The following ASB16 variants were observed in gnomAD, a reference collection of about 807,000 sequenced individuals.
The protein encoded by ASB16 is ankyrin repeat and SOCS box containing 16.
ASB16 carries 44 observed loss-of-function variants against 39.1 expected under a neutral mutation model. That is an observed-to-expected ratio of 1.13 (90% CI 0.88 to 1.45). The LOEUF (loss-of-function observed/expected upper bound fraction) is 1.45. Among genes scored for constraint, ASB16 ranks in the 40% most tolerant of loss-of-function variants. ASB16 has a pLI of 0.00. For synonymous variants in ASB16, 305 were observed against 286.7 expected (o/e 1.06, Z -0.64); for missense variants, 698 against 634.5 (o/e 1.10, Z -1.07).
At chr17:44,173,160 G>T (rs1413535891) in intron 2 of ASB16, among the ~76,000 whole-genome samples, 1 of 149,864 alleles carries the variant, frequency 6.7e-6, no homozygotes, top group East Asian at 2.0e-4. Context: ...AGGCTGAGGC[G>T]GGTGGATCAC....
Position 44,178,294 on chromosome 17 carries a change from G to A in ASB16, c.1266G>A (p.Arg422=). 6.2e-7 allele frequency: 1 copy of A among 1,612,874 alleles called. No individual in the cohort carries two copies. The highest frequency in any genetic ancestry group is 8.5e-7 in the Non-Finnish European group (1 of 1,179,806). Residue 422 remains arginine (R), a synonymous_variant, in exon 5 of 5, where the codon CGG becomes CGA. Coordinates refer to ENST00000293414, the MANE Select transcript of ASB16 (RefSeq NM_080863.5). ...QHLARLAVRA[R]LGSRCRQGAT... is the part of the protein sequence containing the mutation. The stretch of plus-strand genomic sequence containing the variant: ...TGGCCCGACTAGCTGTGCGCGCTCG[G>A]TTGGGAAGCCGCTGCCGGCAGGGTG...
chr17:44,177,918 C>G (rs1022201053), intron 4 of ASB16, 196 bp downstream of exon 4: 1 of 735,026 alleles, frequency 1.4e-6, no homozygotes, highest in African/African-American at 1.8e-5. Flanking sequence ...CTCCTGCCTC[C>G]CTCACTTGCA....
At chr17:44,172,392 C>G in intron 2 of ASB16, 79 bp downstream of exon 2, 1 of 1,519,758 alleles carries the variant, frequency 6.6e-7, no homozygotes, top group South Asian at 1.2e-5. Context: ...AAGAGGGAAC[C>G]TGACAACCAC....
intron 1 of ASB16, 50 bp from the exon 2 acceptor site, chr17:44,171,996 G>T: frequency 6.4e-7 from 1 of 1,566,190 alleles, no homozygotes. Context: ...CCCACTCCCT[G>T]CCCTGCCCTG....
rs905098190 is a variant in ASB16, at chr17:44,170,736, C to T, written c.-54C>T. The T allele has an allele frequency of 2.0e-6, 3 of 1,521,632 alleles. No individual in the cohort carries two copies. Among genetic ancestry groups the T allele is most frequent in the Admixed American group, 2.1e-5 (1 of 47,670 alleles). 94.3% of individuals were successfully genotyped at this position (1,521,632 alleles called of 1,614,324 possible). On this transcript the variant is annotated 5_prime_UTR_variant, in exon 1 of 5. Coordinates refer to ENST00000293414, the MANE Select transcript of ASB16 (RefSeq NM_080863.5). Reference sequence around the variant, plus strand: ...CTCAGAGCAAGGGAGGTAGTCGGGTCGAGGGAACCTGGCTCTGCCCAGGTG... The same window carrying T: ...CTCAGAGCAAGGGAGGTAGTCGGGTTGAGGGAACCTGGCTCTGCCCAGGTG...
chr17:44,177,858 G>A (rs2054322817), intron 4 of ASB16, 136 bp downstream of exon 4: 1 of 1,296,076 alleles, frequency 7.7e-7, no homozygotes, highest in Admixed American at 2.8e-5. Flanking sequence ...CTGGGTTTCA[G>A]GGTACCCCCT....
At position 44,177,207 on chromosome 17, in the gene ASB16, G is replaced by A. The variant is rs926461926; in HGVS notation, c.1039G>A (p.Gly347Arg). 3.2e-6 allele frequency: 5 copies of A among 1,541,880 alleles called. No homozygotes were observed. The highest frequency in any genetic ancestry group is 4.1e-5 in the Admixed American group (2 of 49,294). Residue 347 changes from glycine (G) to arginine (R), a missense_variant, in exon 3 of 5, where the codon GGG becomes AGG. Gly to Arg is a moderately radical substitution (Grantham distance 125). Transcript: ENST00000293414. ...EVLFAALLDYGAQPVRPEMLK... is the reference protein window; with the variant it reads ...EVLFAALLDYRAQPVRPEMLK... Reference sequence around the variant, plus strand: ...CCTTTTCGCCGCACTGCTGGACTACGGGGCGCAGCCAGTGCGCCCTGAGGT... The same window carrying A: ...CCTTTTCGCCGCACTGCTGGACTACAGGGCGCAGCCAGTGCGCCCTGAGGT...
Position 44,172,240 on chromosome 17 carries a change from G to C in ASB16, c.496G>C (p.Gly166Arg). ...FDCVRLLLTF[G>R]AKANVLTEEG... ...CTGTGTGCGGCTGCTGCTGACCTTC[G>C]GAGCCAAGGCTAATGTGCTGACTGA... Residue 166 changes from glycine to arginine, a missense_variant, in exon 2 of 5, where the codon GGA (glycine) becomes CGA (arginine). Gly to Arg is a moderately radical substitution (Grantham distance 125). Transcript: ENST00000293414. 3.1e-6 allele frequency: 5 copies of C among 1,613,844 alleles called. No homozygotes were observed. The highest frequency in any genetic ancestry group is 4.2e-6 in the Non-Finnish European group (5 of 1,180,042).
rs1234743136 is a variant in ASB16, at chr17:44,176,767, C to G, written c.599C>G (p.Ala200Gly). The change falls in exon 3 of 5, where the codon GCG becomes GGG. Residue 200 changes from alanine to glycine, a missense_variant. Ala to Gly is a moderately conservative substitution (Grantham distance 60, BLOSUM62 0). Coordinates refer to ENST00000293414, the MANE Select transcript of ASB16 (RefSeq NM_080863.5). ...QCAKLLLEAGATVNLAAGESQ... is the reference protein window; with the variant it reads ...QCAKLLLEAGGTVNLAAGESQ... ...GCCAAGTTGCTGCTGGAAGCAGGAG[C>G]GACGGTGAACCTGGCAGCAGGCGAG... 1 of 1,613,824 alleles carries G rather than the reference C, an allele frequency of 6.2e-7. No individual in the cohort carries two copies. Among genetic ancestry groups the G allele is most frequent in the Non-Finnish European group, 8.5e-7 (1 of 1,179,928 alleles).
chr17:44,173,654 CCT>C (rs1022938918), intron 2 of ASB16, among the ~76,000 whole-genome samples: 1 of 151,852 alleles, frequency 6.6e-6, no homozygotes, highest in Non-Finnish European at 1.5e-5. Context: ...ATAGTGAGAC[CCT>C]GTCTCTACAA....
At chr17:44,171,707 G>T (rs907645062) in intron 1 of ASB16, among the ~76,000 whole-genome samples, 1 of 152,006 alleles carries the variant, frequency 6.6e-6, no homozygotes, top group Non-Finnish European at 1.5e-5. Flanking sequence ...AGGTGAACAA[G>T]CCTTTGACAC....
At position 44,176,962 on chromosome 17, in the gene ASB16, C is replaced by A. The variant is rs1444649085; in HGVS notation, c.794C>A (p.Ala265Asp). 8.7e-6 allele frequency: 13 copies of A among 1,488,856 alleles called. No individual in the cohort carries two copies. The highest frequency in any genetic ancestry group is 1.5e-5 in the African/African-American group (1 of 68,326). 92.2% of individuals were successfully genotyped at this position (1,488,856 alleles called of 1,614,324 possible). Residue 265 changes from alanine (A) to aspartate (D), a missense_variant, in exon 3 of 5, where the codon GCT becomes GAT. Coordinates refer to ENST00000293414, the MANE Select transcript of ASB16 (RefSeq NM_080863.5). ...CCAGGTAGCTGCAGGCGACACCAGG[C>A]TGCGGCGCGCCGGCTCCTGGAGGCT... ...EGPGSCRRHQAAARRLLEAGA... is the reference protein window; with the variant it reads ...EGPGSCRRHQDAARRLLEAGA...
intron 2 of ASB16, among the ~76,000 whole-genome samples, chr17:44,173,670 A>G (rs868656791): frequency 1.3e-5 from 2 of 152,246 alleles, no homozygotes; most frequent in African/African-American, 2.4e-5. Context: ...TCTACAAAAA[A>G]TAAAATTAGC....
chr17:44,177,011 G>A lies in ASB16; in HGVS notation c.843G>A (p.Gly281=), dbSNP rs1308899061. 6.7e-7 allele frequency: 1 copy of A among 1,489,710 alleles called. No individual in the cohort carries two copies. The highest frequency in any genetic ancestry group is 1.3e-5 in the South Asian group (1 of 78,682). The allele number at this position is 1,489,710 out of a possible 1,614,324, so 92.3% of individuals were successfully genotyped here. The change falls in exon 3 of 5, where the codon GGG becomes GGA. Residue 281 remains glycine (G), a synonymous_variant. Transcript: ENST00000293414. ...CTGGAGCTGATGCCCGGGCGGCCGG[G>A]CGCAAGCGCCACACGCCGCTGCACA... is the stretch of plus-strand genomic sequence containing the variant. ...LEAGADARAA[G]RKRHTPLHNA... is the part of the protein sequence containing the mutation.
intron 2 of ASB16, among the ~76,000 whole-genome samples, chr17:44,175,174 TGGATCACGAGGTCA>T (rs2054277333): frequency 6.9e-6 from 1 of 144,196 alleles, no homozygotes; most frequent in Non-Finnish European, 1.5e-5. Flanking sequence ...CCGAGGTGGG[TGGATCACGAGGTCA>T]GGAGATCGAG....
intron 4 of ASB16, 163 bp from the exon 5 acceptor site, chr17:44,178,042 C>T: frequency 1.3e-6 from 1 of 755,360 alleles, no homozygotes; most frequent in Non-Finnish European, 2.1e-6. Flanking sequence ...GAGCCCCAGC[C>T]CGCATTATCA....
In ASB16 at chr17:44,170,847, C is replaced by T. The variant is rs749221208; in HGVS notation, c.58C>T (p.Gln20Ter). 1.2e-6 allele frequency: 2 copies of T among 1,611,808 alleles called. No homozygotes were observed. Reference protein sequence around the residue: ...SSMLRSLRLQQEWLEWEDRRR... With the variant: ...SSMLRSLRLQ ...CATGCTGCGCTCTCTCCGCCTGCAG[C>T]AGGAGTGGCTGGAATGGGAGGACCG... The change falls in exon 1 of 5, where the codon CAG becomes TAG. Residue 20 changes from glutamine (Q) to a stop codon, truncating the protein, a stop_gained. Coordinates refer to ENST00000293414, the MANE Select transcript of ASB16 (RefSeq NM_080863.5). LOFTEE classifies it high-confidence loss of function.
rs1203501527 is a variant in ASB16 at position 44,178,565 on chromosome 17, T to A, written c.*175T>A. 4.4e-6 allele frequency: 3 copies of A among 684,412 alleles called. No individual in the cohort carries two copies. The African/African-American group carries it at 5.4e-5, about 12-fold the overall frequency. The allele number at this position is 684,412 out of a possible 1,614,324, so 42.4% of individuals were successfully genotyped here. A position where few individuals can be genotyped will look rare whatever the true frequency, so the allele number is the denominator to read the frequency against. Reference sequence around the variant, plus strand: ...TCGGCTCACTGCAACTTCTACCACCTAGGTTCAAGCGATTCTTGTGCCCCA... The same window carrying A: ...TCGGCTCACTGCAACTTCTACCACCAAGGTTCAAGCGATTCTTGTGCCCCA... On this transcript the variant is annotated 3_prime_UTR_variant, in exon 5 of 5. Coordinates refer to ENST00000293414, the MANE Select transcript of ASB16 (RefSeq NM_080863.5).
At position 44,177,173 on chromosome 17, in the gene ASB16, G is replaced by T; in HGVS notation, c.1005G>T (p.Glu335Asp). 1 of 1,533,894 alleles carries T rather than the reference G, an allele frequency of 6.5e-7. No homozygotes were observed. Among genetic ancestry groups the T allele is most frequent in the South Asian group, 1.2e-5 (1 of 82,562 alleles). ...LQAVQDSPNW[E>D]PEVLFAALLD... is the part of the protein sequence containing the mutation. ...CCGTCCAGGACTCCCCCAACTGGGA[G>T]CCTGAAGTCCTTTTCGCCGCACTGC... Residue 335 changes from glutamate to aspartate, a missense_variant, in exon 3 of 5, where the codon GAG becomes GAT. By Grantham distance (45) the Glu-to-Asp change is conservative. Transcript: ENST00000293414.
Sources: gnomAD v4.1 joint callset for allele counts (sites outside exome capture counted in the v4.1 genomes callset) on GRCh38, gnomAD v4.1.1 for gene constraint, MANE v1.5 for transcripts, NCBI Gene and HGNC (gene_info 2026-07-23, HGNC 2026-07-21) for gene names.